SLIT1: variants seen among roughly 807,000 people sequenced by gnomAD.
SLIT1 encodes the protein slit guidance ligand 1.
A neutral mutation model predicts 186.1 loss-of-function variants in SLIT1; 66 were observed. That is an observed-to-expected ratio of 0.35 (90% CI 0.29 to 0.44). The LOEUF (loss-of-function observed/expected upper bound fraction) is 0.44. Among genes scored for constraint, SLIT1 ranks in the 20% least tolerant of loss-of-function variants. The pLI is 1.00. For synonymous variants in SLIT1, 761 were observed against 833.8 expected (o/e 0.91, Z 1.50); for missense variants, 1,638 against 2,037.4 (o/e 0.80, Z 3.77).
At chr10:97,071,580 TG>T (rs2134646281) in intron 4 of SLIT1, among the ~76,000 whole-genome samples, 1 of 151,682 alleles carries the variant, frequency 6.6e-6, no homozygotes, top group Non-Finnish European at 1.5e-5. Context: ...AGAGCAAGAG[TG>T]AAAAATGAGG....
At position 97,185,746 on chromosome 10, in the gene SLIT1, C is replaced by G. The variant is rs1400723865; in HGVS notation, c.-72G>C. On this transcript the variant is annotated 5_prime_UTR_variant, in exon 1 of 37. Transcript: ENST00000266058. Reference sequence around the variant, plus strand: ...TGACCATCCCCGTCCGGGGCCGCCTCCAGGTGCAGTCCCGGGGCAGAGCCA... The same window carrying G: ...TGACCATCCCCGTCCGGGGCCGCCTGCAGGTGCAGTCCCGGGGCAGAGCCA... 1.5e-6 allele frequency: 2 copies of G among 1,315,176 alleles called. No homozygotes were observed. The highest frequency in any genetic ancestry group is 3.1e-5 in the African/African-American group (2 of 63,988). The allele number at this position is 1,315,176 out of a possible 1,614,324, so 81.5% of individuals were successfully genotyped here. A position where few individuals can be genotyped will look rare whatever the true frequency, so the allele number is the denominator to read the frequency against.
chr10:97,167,860 G>A (rs1850140684), intron 1 of SLIT1, among the ~76,000 whole-genome samples: 1 of 152,158 alleles, frequency 6.6e-6, no homozygotes, highest in Non-Finnish European at 1.5e-5. Flanking sequence ...CCTTGCTCCC[G>A]CCATGTGAAG....
chr10:97,006,440 T>C lies in SLIT1; in HGVS notation c.3579+43A>G. ...TGCTCTGGCCTAAGCCAGGGTCGCC[T>C]GCTCCCTGACTCCCCTCTGTGACCA... is the stretch of plus-strand genomic sequence containing the variant. On this transcript the variant is annotated intron_variant, in intron 32 of 36. Coordinates refer to ENST00000266058, the MANE Select transcript of SLIT1 (RefSeq NM_003061.3). This position sits in a 1 kb window ranked among gnomAD's most constrained non-coding sequence, Gnocchi z 4.0. 1 of 1,443,348 alleles carries C rather than the reference T, an allele frequency of 6.9e-7. No homozygotes were observed. Among genetic ancestry groups the C allele is most frequent in the Non-Finnish European group, 9.7e-7 (1 of 1,026,912 alleles). The allele number at this position is 1,443,348 out of a possible 1,614,324, so 89.4% of individuals were successfully genotyped here. A position where few individuals can be genotyped will look rare whatever the true frequency, so the allele number is the denominator to read the frequency against.
Position 97,002,782 on chromosome 10 carries a change from C to A in SLIT1, c.4076G>T (p.Gly1359Val). The A allele has an allele frequency of 6.2e-7, 1 of 1,613,858 alleles. No homozygotes were observed. Among genetic ancestry groups the A allele is most frequent in the South Asian group, 1.1e-5 (1 of 91,066 alleles). Reference protein sequence around the residue: ...HGICQPNATPGPMCHCEAGWV... With the variant: ...HGICQPNATPVPMCHCEAGWV... ...GCCAGCCTCGCAGTGGCACATGGGCCCTGGGGTGGCATTGGGCTGGCAGAT... is the reference window on the plus strand; with the variant it reads ...GCCAGCCTCGCAGTGGCACATGGGCACTGGGGTGGCATTGGGCTGGCAGAT... The change falls in exon 35 of 37, where the codon GGG becomes GTG. Residue 1359 changes from glycine (G) to valine (V), a missense_variant. Physicochemically the swap from Gly to Val is moderately radical, Grantham distance 109 (BLOSUM62 -3). Coordinates refer to ENST00000266058, the MANE Select transcript of SLIT1 (RefSeq NM_003061.3).
intron 1 of SLIT1, among the ~76,000 whole-genome samples, chr10:97,166,559 G>GGAAGGAAGGAAGGAA (rs1564692706): frequency 3.6e-5 from 2 of 56,022 alleles, no homozygotes; most frequent in African/African-American, 6.4e-5. Context: ...AGGAAGGAAA[G>GGAAGGAAGGAAGGAA]AGAGAGAGAG....
At chr10:97,089,004 C>A (rs1849199087) in intron 4 of SLIT1, among the ~76,000 whole-genome samples, 2 of 152,178 alleles carry the variant, frequency 1.3e-5, no homozygotes, top group Non-Finnish European at 2.9e-5. Context: ...ACTTGCCCAG[C>A]CTGCAGGTGC....
chr10:97,166,530 A>AGAAGGAAGGAAGGAAG lies in SLIT1; in HGVS notation c.198-1656_198-1641dup, dbSNP rs1241751831. On this transcript the variant is annotated intron_variant, in intron 1 of 36. Coordinates refer to ENST00000266058, the MANE Select transcript of SLIT1 (RefSeq NM_003061.3). ...AAACTCTGTCTCCAAAAAAAAAGAAAGAAGGAAGGAAGGAAGGAAGGAAGG... is the reference window on the plus strand; with the variant it reads ...AAACTCTGTCTCCAAAAAAAAAGAAAGAAGGAAGGAAGGAAGGAAGGAAGGAAGGAAGGAAGGAAGG... 9.3e-3 allele frequency among the ~76,000 whole-genome samples: 462 copies of AGAAGGAAGGAAGGAAG among 49,640 alleles called. 14 individuals carry two copies. Among genetic ancestry groups the AGAAGGAAGGAAGGAAG allele is most frequent in the Middle Eastern group, 0.016 (2 of 124 alleles). 32.6% of individuals were successfully genotyped at this position (49,640 alleles called of 152,430 possible).
At chr10:97,179,795 C>T in intron 1 of SLIT1, among the ~76,000 whole-genome samples, 1 of 122,640 alleles carries the variant, frequency 8.2e-6, no homozygotes, top group Non-Finnish European at 1.9e-5. Context: ...CAATTCTCCA[C>T]ACCCTCCCCG....
intron 4 of SLIT1, among the ~76,000 whole-genome samples, chr10:97,079,269 T>C (rs1849079693): frequency 6.6e-6 from 1 of 152,082 alleles, no homozygotes; most frequent in African/African-American, 2.4e-5. Context: ...TTAGTCGGGA[T>C]GGGGGGTGCA....
At chr10:97,106,671 G>T (rs552564824) in intron 4 of SLIT1, among the ~76,000 whole-genome samples, 14 of 151,128 alleles carry the variant, frequency 9.3e-5, no homozygotes, top group Admixed American at 7.9e-4. Context: ...GCCCAGTTAG[G>T]TCATTCACAC....
In SLIT1 at chr10:97,026,527, G is replaced by A. The variant is rs147611230; in HGVS notation, c.2582+4230C>T. On this transcript the variant is annotated intron_variant, in intron 25 of 36. Coordinates refer to ENST00000266058, the MANE Select transcript of SLIT1 (RefSeq NM_003061.3). ...GTGTTGTCTTTATCATCATTATTAA[G>A]TACTTGCTATTCTGTCATATGGGCA... Among the ~76,000 whole-genome samples the A allele has an allele frequency of 3.9e-4, 59 of 152,220 alleles. 4 individuals are homozygous for A. The East Asian group carries it at 0.011, about 29-fold the overall frequency.
chr10:97,055,615 C>T (rs930934758), intron 13 of SLIT1, among the ~76,000 whole-genome samples: 2 of 152,192 alleles, frequency 1.3e-5, no homozygotes, highest in African/African-American at 4.8e-5. Flanking sequence ...AGCAATCCTC[C>T]TGCCTCAGCC....
In SLIT1 at chr10:97,043,626, C is replaced by A. The variant is rs890032145; in HGVS notation, c.1854-113G>T. The stretch of plus-strand genomic sequence containing the variant: ...GTTCACAGTTCTCCTCCATAGGCTG[C>A]GAGCCGCAGAGCCAGGAACACGCAC... On this transcript the variant is annotated intron_variant, in intron 18 of 36. Transcript: ENST00000266058. This position sits in a 1 kb window ranked among gnomAD's most constrained non-coding sequence, Gnocchi z 7.0. 6.7e-6 allele frequency: 7 copies of A among 1,047,942 alleles called. No homozygotes were observed. The highest frequency in any genetic ancestry group is 1.6e-5 in the African/African-American group (1 of 63,752). The allele number at this position is 1,047,942 out of a possible 1,614,324, so 64.9% of individuals were successfully genotyped here.
At chr10:97,182,085 T>A (rs1196298628) in intron 1 of SLIT1, among the ~76,000 whole-genome samples, 1 of 152,208 alleles carries the variant, frequency 6.6e-6, no homozygotes, top group Non-Finnish European at 1.5e-5. Flanking sequence ...GGCTCTGTAT[T>A]TTAACTGTTC....
At chr10:97,031,005 C>A (rs759572847) in intron 24 of SLIT1, among the ~76,000 whole-genome samples, 177 bp from the exon 25 acceptor site, 1 of 152,230 alleles carries the variant, frequency 6.6e-6, no homozygotes, top group Non-Finnish European at 1.5e-5. Context: ...AAGAAATCCT[C>A]CAGGCAGACG....
intron 26 of SLIT1, among the ~76,000 whole-genome samples, chr10:97,020,899 G>A (rs1191425340): frequency 6.6e-6 from 1 of 152,270 alleles, no homozygotes; most frequent in Non-Finnish European, 1.5e-5. Context: ...ACCAGGGACT[G>A]AGAGAGGTCT....
intron 1 of SLIT1, among the ~76,000 whole-genome samples, chr10:97,180,490 C>T (rs773212778): frequency 1.3e-5 from 2 of 152,212 alleles, no homozygotes; most frequent in South Asian, 4.1e-4. Context: ...GACTAAAACT[C>T]GGGTTTCTGT....
intron 4 of SLIT1, among the ~76,000 whole-genome samples, chr10:97,069,026 C>T (rs1386707696): frequency 6.6e-6 from 1 of 152,248 alleles, no homozygotes; most frequent in East Asian, 1.9e-4. Context: ...AATTGCTACC[C>T]TGGTGGTGCC....
intron 28 of SLIT1, among the ~76,000 whole-genome samples, chr10:97,016,694 G>A (rs1411880861): frequency 6.6e-6 from 1 of 152,144 alleles, no homozygotes; most frequent in East Asian, 1.9e-4. Context: ...ATTCTTAAAT[G>A]TTAATAATAT....
Sources: gnomAD v4.1 joint callset for allele counts (sites outside exome capture counted in the v4.1 genomes callset) on GRCh38, gnomAD v4.1.1 for gene constraint, Gnocchi (gnomAD v3.1) non-coding constraint, MANE v1.5 for transcripts, NCBI Gene and HGNC (gene_info 2026-07-23, HGNC 2026-07-21) for gene names.